Variants in CLIC6 observed in about 807,000 individuals in gnomAD.
CLIC6 encodes CLIC family member 6.
In CLIC6, 39 loss-of-function variants were observed where a neutral mutation model predicts 49.2. That is an observed-to-expected ratio of 0.79 (90% confidence interval 0.61 to 1.04). The LOEUF is 1.04. Ranked by LOEUF, CLIC6 falls within the 50% of genes least tolerant of loss-of-function variation. The pLI is 0.00. For missense variants in CLIC6, 988 were observed against 993.1 expected, an observed-to-expected ratio of 0.99 and a Z score of 0.07; for synonymous variants, 446 against 433.4, an observed-to-expected ratio of 1.03 and a Z score of -0.36.
chr21:34,714,707 A>AAAAAAAAAAAC (rs1568973373), intron 5 of CLIC6, among the ~76,000 whole-genome samples: 1 of 151,348 alleles, frequency 6.6e-6, no homozygotes, highest in African/African-American at 2.4e-5. Context: ...AAAAAAAAAA[A>AAAAAAAAAAAC]AAACTTGATA....
At chr21:34,672,938 C>T (rs1283731511) in intron 1 of CLIC6, among the ~76,000 whole-genome samples, 1 of 152,176 alleles carries the variant, frequency 6.6e-6, no homozygotes, top group Non-Finnish European at 1.5e-5. Flanking sequence ...CATGTGAGTT[C>T]CTATTGTTAC....
chr21:34,694,274 C>T (rs1226667111), intron 1 of CLIC6, among the ~76,000 whole-genome samples: 5 of 151,320 alleles, frequency 3.3e-5, no homozygotes, highest in East Asian at 3.9e-4. Context: ...CCATCGCGCC[C>T]GGCCAAGATC....
chr21:34,676,511 C>G (rs552537817), intron 1 of CLIC6, among the ~76,000 whole-genome samples: 1 of 152,352 alleles, frequency 6.6e-6, no homozygotes, highest in South Asian at 2.1e-4. Context: ...GGCTGCAAGC[C>G]TGCACTGCAA....
chr21:34,670,606 C>A lies in CLIC6; in HGVS notation c.1218C>A (p.Ala406=), dbSNP rs766999094. 6.5e-7 allele frequency: 1 copy of A among 1,540,036 alleles called. No individual in the cohort carries two copies. Among genetic ancestry groups the A allele is most frequent in the Non-Finnish European group, 8.7e-7 (1 of 1,143,790 alleles). ...CACATGGGGAGGCCTCCAGGGGCGCCGCGGAGCCTGAGGCCCAGCTCAGCA... is the reference window on the plus strand; with the variant it reads ...CACATGGGGAGGCCTCCAGGGGCGCAGCGGAGCCTGAGGCCCAGCTCAGCA... ...SSPHGEASRG[A]AEPEAQLSNH... Residue 406 remains alanine, a synonymous_variant, in exon 1 of 6, where the codon GCC becomes GCA. Transcript: ENST00000349499.
intron 5 of CLIC6, among the ~76,000 whole-genome samples, chr21:34,714,758 AG>A (rs1253477528): frequency 6.6e-6 from 1 of 152,128 alleles, no homozygotes; most frequent in Admixed American, 6.5e-5. Context: ...AAATTTATGT[AG>A]GAAACCACTG....
Position 34,670,286 on chromosome 21 carries a change from G to T in CLIC6, c.898G>T (p.Gly300Trp). 6.9e-7 allele frequency: 1 copy of T among 1,444,270 alleles called. No homozygotes were observed. The highest frequency in any genetic ancestry group is 2.4e-4 in the Middle Eastern group (1 of 4,118). The allele number at this position is 1,444,270 out of a possible 1,614,324, so 89.5% of individuals were successfully genotyped here. ...GGTCTCGGGTGAGCCGCAGCAATCGGGGGACGGCAGCCTCTCGCCCCAGGC... is the reference window on the plus strand; with the variant it reads ...GGTCTCGGGTGAGCCGCAGCAATCGTGGGACGGCAGCCTCTCGCCCCAGGC... ...RRVSGEPQQS[G>W]DGSLSPQAEA... is the part of the protein sequence containing the mutation. The change falls in exon 1 of 6, where the codon GGG becomes TGG. Residue 300 changes from glycine to tryptophan, a missense_variant. By Grantham distance (184) the Gly-to-Trp change is radical. Coordinates refer to ENST00000349499, the MANE Select transcript of CLIC6 (RefSeq NM_053277.3).
At chr21:34,679,834 G>A (rs1601262078) in intron 1 of CLIC6, among the ~76,000 whole-genome samples, 1 of 34 alleles carries the variant, frequency 0.029, no homozygotes, top group Non-Finnish European at 0.071. Context: ...GGGCCCCCAT[G>A]TGGCCTTGGA....
In CLIC6 at chr21:34,717,890, A is replaced by G. The variant is rs2056096696; in HGVS notation, c.*1408A>G. The G allele has an allele frequency of 6.6e-6, 1 of 152,208 alleles. No individual in the cohort carries two copies. The highest frequency in any genetic ancestry group is 2.4e-5 in the African/African-American group (1 of 41,446). The allele number at this position is 152,208 out of a possible 1,614,324, so 9.4% of individuals were successfully genotyped here. A position where few individuals can be genotyped will look rare whatever the true frequency, so the allele number is the denominator to read the frequency against. On this transcript the variant is annotated 3_prime_UTR_variant, in exon 6 of 6. Transcript: ENST00000349499. ...AAACTATCCTGGGATTAGGTGAAAA[A>G]TGTCTAGCAAAAGAAACAAAGTCTT...
intron 5 of CLIC6, 140 bp from the exon 6 acceptor site, chr21:34,716,181 G>A (rs1409668668): frequency 1.0e-5 from 7 of 695,562 alleles, no homozygotes; most frequent in Admixed American, 2.8e-5. Context: ...AGATGCCGTG[G>A]TGGGTAGCCC....
chr21:34,686,337 G>T (rs907986629), intron 1 of CLIC6, among the ~76,000 whole-genome samples: 11 of 152,190 alleles, frequency 7.2e-5, no homozygotes, highest in Non-Finnish European at 1.0e-4. Context: ...AGAGGCAGAG[G>T]TTGCTGTGAG....
intron 1 of CLIC6, among the ~76,000 whole-genome samples, chr21:34,690,773 T>G (rs1989977367): frequency 1.3e-5 from 2 of 149,802 alleles, no homozygotes; most frequent in Admixed American, 6.8e-5. Context: ...TCAGCCTGGG[T>G]CAGGGTTAGT....
At position 34,670,488 on chromosome 21, in the gene CLIC6, CGG is replaced by C. The variant is rs1394139507; in HGVS notation, c.1104_1105del (p.Glu369GlyfsTer41). The C allele has an allele frequency of 6.7e-7, 1 of 1,492,240 alleles. No individual in the cohort carries two copies. Among genetic ancestry groups the C allele is most frequent in the Non-Finnish European group, 8.9e-7 (1 of 1,120,990 alleles). The allele number at this position is 1,492,240 out of a possible 1,614,324, so 92.4% of individuals were successfully genotyped here. Reference sequence around the variant, plus strand: ...GTAGGGGATGGGCCACAGCAGGAGCCGGGGGAGGACGAAGAGAGACGAGAGCG... The same window carrying C: ...GTAGGGGATGGGCCACAGCAGGAGCCGGGAGGACGAAGAGAGACGAGAGCG... On this transcript the variant is annotated frameshift_variant, in exon 1 of 6. Transcript: ENST00000349499. LOFTEE classifies it high-confidence loss of function.
chr21:34,703,521 G>A (rs1376252778), intron 1 of CLIC6, among the ~76,000 whole-genome samples: 3 of 152,186 alleles, frequency 2.0e-5, no homozygotes, highest in African/African-American at 7.2e-5. Context: ...GTGGCTGTGT[G>A]GGTGGTGCCC....
intron 1 of CLIC6, among the ~76,000 whole-genome samples, chr21:34,678,309 G>A (rs952453129): frequency 1.8e-4 from 27 of 151,796 alleles, no homozygotes; most frequent in Non-Finnish European, 2.9e-4. Context: ...GGGCGTGGTG[G>A]CGTGTGCCTG....
intron 1 of CLIC6, among the ~76,000 whole-genome samples, chr21:34,704,466 A>G (rs2056000964): frequency 6.6e-6 from 1 of 152,240 alleles, no homozygotes; most frequent in Admixed American, 6.5e-5. Flanking sequence ...ATTGGCAGTC[A>G]CTGCTGCTGG....
chr21:34,672,186 C>G (rs1236366104), intron 1 of CLIC6, among the ~76,000 whole-genome samples: 1 of 152,184 alleles, frequency 6.6e-6, no homozygotes, highest in Non-Finnish European at 1.5e-5. Context: ...GAGCTGCGGA[C>G]AAGATCTGAT....
At chr21:34,712,324 G>A (rs1332775671) in intron 5 of CLIC6, among the ~76,000 whole-genome samples, 1 of 152,174 alleles carries the variant, frequency 6.6e-6, no homozygotes, top group Non-Finnish European at 1.5e-5. Context: ...TATCAAAATA[G>A]GGTATTAGCT....
intron 1 of CLIC6, among the ~76,000 whole-genome samples, chr21:34,696,358 C>G (rs145088064): frequency 6.6e-6 from 1 of 152,204 alleles, no homozygotes; most frequent in African/African-American, 2.4e-5. Context: ...TATGTGTTCT[C>G]TTATCACCAT....
chr21:34,673,989 G>T (rs985392844), intron 1 of CLIC6, among the ~76,000 whole-genome samples: 1 of 152,174 alleles, frequency 6.6e-6, no homozygotes, highest in Non-Finnish European at 1.5e-5. Context: ...GGAATTCACA[G>T]CTGGGTTTAA....
Sources: allele counts gnomAD v4.1 joint callset (sites outside exome capture counted in the v4.1 genomes callset), GRCh38; gene constraint gnomAD v4.1.1; transcripts MANE v1.5; gene names NCBI Gene and HGNC (gene_info 2026-07-23, HGNC 2026-07-21).